The following CERS6 variants were observed in gnomAD, a reference collection of about 807,000 sequenced individuals.
The protein encoded by CERS6 is LAG1 homolog, ceramide synthase 6.
A neutral mutation model predicts 56.8 loss-of-function variants in CERS6; 26 were observed. That is an observed-to-expected ratio of 0.46 (90% confidence interval 0.34 to 0.63). The LOEUF is 0.63. CERS6 is among the 30% of genes least tolerant of loss of function. CERS6 has a pLI of 0.01. For missense variants in CERS6, 415 were observed against 467.5 expected (o/e 0.89, Z 1.04); for synonymous variants, 164 against 173.3 (o/e 0.95, Z 0.42).
chr2:168,725,597 G>T (rs1002893604), intron 8 of CERS6, among the ~76,000 whole-genome samples: 1 of 152,172 alleles, frequency 6.6e-6, no homozygotes, highest in East Asian at 1.9e-4. Context: ...ATTTTTCCCA[G>T]ATGGTGCTGT....
chr2:168,484,094 A>C (rs1030735624), intron 1 of CERS6, among the ~76,000 whole-genome samples: 1 of 151,552 alleles, frequency 6.6e-6, no homozygotes, highest in African/African-American at 2.4e-5. Flanking sequence ...AGGAAGTTCT[A>C]CATGTCACTG....
At chr2:168,566,418 C>T (rs1270640030) in intron 3 of CERS6, among the ~76,000 whole-genome samples, 1 of 152,188 alleles carries the variant, frequency 6.6e-6, no homozygotes, top group African/African-American at 2.4e-5. Context: ...TGGCAGCAGA[C>T]TCATCAAAAC....
chr2:168,538,930 C>G (rs923025011), intron 1 of CERS6, among the ~76,000 whole-genome samples: 1 of 151,544 alleles, frequency 6.6e-6, no homozygotes, highest in Non-Finnish European at 1.5e-5. Context: ...CTTTAATTTA[C>G]TTTTCTTATT....
chr2:168,672,179 T>C (rs1685935236), intron 4 of CERS6, among the ~76,000 whole-genome samples: 1 of 152,246 alleles, frequency 6.6e-6, no homozygotes, highest in Non-Finnish European at 1.5e-5. Context: ...ATTGAAGTTA[T>C]GAAGTCATTT....
At chr2:168,550,933 G>A (rs901289027) in intron 2 of CERS6, among the ~76,000 whole-genome samples, 1 of 152,218 alleles carries the variant, frequency 6.6e-6, no homozygotes, top group Admixed American at 6.5e-5. Flanking sequence ...GGAGGCTGGT[G>A]AGTGCTACAA....
intron 1 of CERS6, among the ~76,000 whole-genome samples, chr2:168,496,662 A>G (rs907234298): frequency 2.0e-5 from 3 of 152,168 alleles, no homozygotes; most frequent in South Asian, 2.1e-4. Context: ...AATAAACCTG[A>G]AAGTACAACA....
At chr2:168,481,413 C>CA (rs1048027054) in intron 1 of CERS6, among the ~76,000 whole-genome samples, 47 of 149,108 alleles carry the variant, frequency 3.2e-4, no homozygotes, top group African/African-American at 6.9e-4. Context: ...GACTCCGTCT[C>CA]AAAAAAAAAC....
intron 3 of CERS6, among the ~76,000 whole-genome samples, chr2:168,605,685 A>G (rs758433790): frequency 6.6e-6 from 1 of 152,086 alleles, no homozygotes; most frequent in Non-Finnish European, 1.5e-5. Flanking sequence ...TGCTCCCTAC[A>G]TCCCAGCTGC....
In CERS6 at chr2:168,659,386, C is replaced by T. The variant is rs369105730; in HGVS notation, c.465+28344C>T. Among the ~76,000 whole-genome samples the T allele has an allele frequency of 4.5e-4, 68 of 152,294 alleles. No homozygotes were observed. The Middle Eastern group carries it at 0.01, about 23-fold the overall frequency. On this transcript the variant is annotated intron_variant, in intron 4 of 9. Coordinates refer to ENST00000305747, the MANE Select transcript of CERS6 (RefSeq NM_203463.3). ...CCCCTAGATTTTTCTCTCTAGAAAT[C>T]TAAGCACTTCTTGTATATATAGAAA... is the stretch of plus-strand genomic sequence containing the variant.
At chr2:168,508,533 A>G (rs1046752740) in intron 1 of CERS6, among the ~76,000 whole-genome samples, 1 of 152,176 alleles carries the variant, frequency 6.6e-6, no homozygotes, top group Non-Finnish European at 1.5e-5. Flanking sequence ...TTTAGTGTCT[A>G]AAAAATGGTG....
intron 4 of CERS6, among the ~76,000 whole-genome samples, chr2:168,666,339 G>A (rs954286618): frequency 2.0e-5 from 3 of 151,956 alleles, no homozygotes; most frequent in African/African-American, 4.8e-5. Context: ...CCTAGACCTG[G>A]CAACCACTCA....
chr2:168,500,413 A>G (rs1218615396), intron 1 of CERS6, among the ~76,000 whole-genome samples: 1 of 152,248 alleles, frequency 6.6e-6, no homozygotes, highest in Non-Finnish European at 1.5e-5. Flanking sequence ...AACTGGTGAC[A>G]TCAGGGAAAT....
chr2:168,546,655 C>T (rs532484940), intron 1 of CERS6, among the ~76,000 whole-genome samples: 2 of 152,198 alleles, frequency 1.3e-5, no homozygotes, highest in African/African-American at 2.4e-5. Flanking sequence ...TCAATTGTTG[C>T]CTTTGACCAA....
chr2:168,701,526 C>T lies in CERS6; in HGVS notation c.609+6475C>T, dbSNP rs545492719. ...GCACCAAACTACTACTAATAGTAGT[C>T]ATTGTACTCTTCATGCCACATTCTT... On this transcript the variant is annotated intron_variant, in intron 6 of 9. Coordinates refer to ENST00000305747, the MANE Select transcript of CERS6 (RefSeq NM_203463.3). 1.1e-3 allele frequency among the ~76,000 whole-genome samples: 173 copies of T among 152,288 alleles called. 1 individual carries two copies. In the South Asian group the frequency reaches 0.014, roughly 12 times the overall value.
rs539230079 is a variant in CERS6 at position 168,471,286 on chromosome 2, G to C, written c.170+14668G>C. On this transcript the variant is annotated intron_variant, in intron 1 of 9. Transcript: ENST00000305747. ...TTTTGGCCCTGAGCCCTGGTTACCA[G>C]ATGGTCTGTTGTTCTCACATTTCCC... Among the ~76,000 whole-genome samples the C allele has an allele frequency of 2.0e-5, 3 of 152,322 alleles. No individual in the cohort carries two copies. In the South Asian group the frequency reaches 6.2e-4, roughly 32 times the overall value.
intron 1 of CERS6, among the ~76,000 whole-genome samples, chr2:168,460,548 G>T (rs1043115210): frequency 6.6e-6 from 1 of 151,946 alleles, no homozygotes; most frequent in Non-Finnish European, 1.5e-5. Context: ...TTTGTTTCTT[G>T]TATTTTTCAG....
At chr2:168,741,292 A>T (rs974621851) in intron 8 of CERS6, among the ~76,000 whole-genome samples, 1 of 151,918 alleles carries the variant, frequency 6.6e-6, no homozygotes, top group African/African-American at 2.4e-5. Context: ...TATGGGAAAT[A>T]TGAGTTTGAT....
intron 4 of CERS6, among the ~76,000 whole-genome samples, chr2:168,663,100 T>C (rs1319730027): frequency 1.3e-5 from 2 of 152,260 alleles, no homozygotes; most frequent in Non-Finnish European, 2.9e-5. Flanking sequence ...TTTGCATTCA[T>C]TTAGCACCAT....
chr2:168,594,054 C>A (rs997383222), intron 3 of CERS6, among the ~76,000 whole-genome samples: 2 of 152,132 alleles, frequency 1.3e-5, no homozygotes, highest in Non-Finnish European at 2.9e-5. Context: ...TATTTTAGAT[C>A]CTGTATCTTT....
Sources: allele counts gnomAD v4.1 joint callset (sites outside exome capture counted in the v4.1 genomes callset), GRCh38; gene constraint gnomAD v4.1.1; transcripts MANE v1.5; gene names NCBI Gene and HGNC (gene_info 2026-07-23, HGNC 2026-07-21).